Variants in WWOX observed in about 807,000 individuals in gnomAD.
WWOX encodes the protein WW domain containing oxidoreductase.
WWOX carries 69 observed loss-of-function variants against 46.2 expected under a neutral mutation model. The observed-to-expected ratio is 1.49, with a 90% CI of 1.23 to 1.82. The LOEUF (loss-of-function observed/expected upper bound fraction) is 1.82, where lower values mean the gene tolerates loss of function less well. Among genes scored for constraint, WWOX ranks in the 40% most tolerant of loss-of-function variants. The pLI is 0.00. For missense variants in WWOX, 919 were observed against 542.6 expected (o/e 1.69, Z -6.89); for synonymous variants, 359 against 202.6 (o/e 1.77, Z -6.56).
chr16:78,872,853 A>G (rs1475289711), intron 8 of WWOX: 1 of 152,236 alleles, frequency 6.6e-6, no homozygotes, highest in African/African-American at 2.4e-5. Flanking sequence ...GCTGGAGTGT[A>G]GTGGTGTGAT....
chr16:79,147,937 T>C (rs1347426511), intron 8 of WWOX, among the ~76,000 whole-genome samples: 1 of 152,232 alleles, frequency 6.6e-6, no homozygotes, highest in African/African-American at 2.4e-5. Flanking sequence ...TGTATTATTG[T>C]TGCATTTTGA....
intron 8 of WWOX, among the ~76,000 whole-genome samples, chr16:78,949,950 C>T (rs1396344094): frequency 6.6e-6 from 1 of 152,166 alleles, no homozygotes; most frequent in Non-Finnish European, 1.5e-5. Flanking sequence ...ATGTGAAGCA[C>T]TTTTCATGCA....
chr16:78,257,105 TGGCGTGGGGTCTTCATCTGGCTACTA>T (rs1304142105), intron 5 of WWOX, among the ~76,000 whole-genome samples: 3 of 152,022 alleles, frequency 2.0e-5, no homozygotes, highest in African/African-American at 7.2e-5. Context: ...TACAGGCTCG[TGGCGTGGGGTCTTCATCTGGCTACTA>T]GATTGTTTAA....
intron 5 of WWOX, among the ~76,000 whole-genome samples, chr16:78,379,555 C>G (rs1287367471): frequency 6.6e-6 from 1 of 152,162 alleles, no homozygotes; most frequent in Non-Finnish European, 1.5e-5. Context: ...CTAGATTTGC[C>G]AAAAGTCTGT....
chr16:78,366,431 C>T (rs777070292), intron 5 of WWOX, among the ~76,000 whole-genome samples: 19 of 152,144 alleles, frequency 1.2e-4, no homozygotes, highest in Non-Finnish European at 4.4e-5. Context: ...ACAACAGACA[C>T]TCTAAGGAAT....
At chr16:78,253,732 G>C (rs115919801) in intron 5 of WWOX, among the ~76,000 whole-genome samples, 1 of 152,174 alleles carries the variant, frequency 6.6e-6, no homozygotes, top group East Asian at 1.9e-4. Flanking sequence ...TAGTTTTAAA[G>C]AGTCTTAGAG....
chr16:78,251,954 T>A (rs2037996516), intron 5 of WWOX, among the ~76,000 whole-genome samples: 1 of 152,198 alleles, frequency 6.6e-6, no homozygotes, highest in African/African-American at 2.4e-5. Context: ...GTTGGAGTAT[T>A]TGATTATTTT....
At chr16:78,903,511 C>G (rs984467891) in intron 8 of WWOX, among the ~76,000 whole-genome samples, 1 of 152,226 alleles carries the variant, frequency 6.6e-6, no homozygotes, top group African/African-American at 2.4e-5. Flanking sequence ...GAGGTACTTT[C>G]AATTTCCCAT....
Position 78,497,842 on chromosome 16 carries a change from G to C in WWOX, c.1056+65090G>C, listed in dbSNP as rs183106084. ...ATCAATAAATGGTAGATTATACACC[G>C]GAGTTACTGAGAATTATAAAAAAAT... On this transcript the variant is annotated intron_variant, in intron 8 of 8. Coordinates refer to ENST00000566780, the MANE Select transcript of WWOX (RefSeq NM_016373.4). Among the ~76,000 whole-genome samples the C allele has an allele frequency of 2.4e-4, 31 of 131,602 alleles. No homozygotes were observed. In the East Asian group the frequency reaches 6.9e-3, roughly 29 times the overall value. 86.3% of individuals were successfully genotyped at this position (131,602 alleles called of 152,430 possible).
At chr16:78,377,064 C>G (rs142195328) in intron 5 of WWOX, among the ~76,000 whole-genome samples, 1 of 152,230 alleles carries the variant, frequency 6.6e-6, no homozygotes, top group East Asian at 1.9e-4. Context: ...ACTGATTTTT[C>G]TTTTATCACT....
chr16:78,603,008 A>G (rs1208014367), intron 8 of WWOX, among the ~76,000 whole-genome samples: 1 of 152,126 alleles, frequency 6.6e-6, no homozygotes, highest in Non-Finnish European at 1.5e-5. Context: ...GTAATACTCC[A>G]CCTTGCCAGT....
chr16:78,101,346 C>CTTTTTTTTTTTTTTTTTTTTTTT lies in WWOX; in HGVS notation c.107+1478_107+1479insTTTTTTTTTTTTTTTTTTTTTTT, dbSNP rs71137871. ...ACAGGCGTGAGCTACCGCTCCCGGC[C>CTTTTTTTTTTTTTTTTTTTTTTT]TTTTTTTTTTTTTTTTTAAAGACAG... On this transcript the variant is annotated intron_variant, in intron 1 of 8. Transcript: ENST00000566780. 1.8e-3 allele frequency among the ~76,000 whole-genome samples: 118 copies of CTTTTTTTTTTTTTTTTTTTTTTT among 66,824 alleles called. 33 individuals are homozygous for CTTTTTTTTTTTTTTTTTTTTTTT. Among genetic ancestry groups the CTTTTTTTTTTTTTTTTTTTTTTT allele is most frequent in the South Asian group, 4.0e-3 (5 of 1,240 alleles). The allele number at this position is 66,824 out of a possible 152,430, so 43.8% of individuals were successfully genotyped here. A position where few individuals can be genotyped will look rare whatever the true frequency, so the allele number is the denominator to read the frequency against.
chr16:78,959,064 C>G (rs904773143), intron 8 of WWOX, among the ~76,000 whole-genome samples: 3 of 152,134 alleles, frequency 2.0e-5, no homozygotes, highest in African/African-American at 7.2e-5. Flanking sequence ...TTTAAAAATG[C>G]TTGTCTACCC....
intron 8 of WWOX, among the ~76,000 whole-genome samples, chr16:78,443,955 G>A (rs2083501973): frequency 6.6e-6 from 1 of 152,150 alleles, no homozygotes; most frequent in Non-Finnish European, 1.5e-5. Flanking sequence ...ATTGCCCCAT[G>A]ACGATGTTTC....
At chr16:78,403,441 T>C (rs566033001) in intron 6 of WWOX, among the ~76,000 whole-genome samples, 31 of 152,384 alleles carry the variant, frequency 2.0e-4, no homozygotes, top group African/African-American at 6.3e-4. Context: ...AGTTCATAAA[T>C]AATGGCTTGT....
At chr16:78,986,153 C>G (rs2046780586) in intron 8 of WWOX, among the ~76,000 whole-genome samples, 1 of 152,226 alleles carries the variant, frequency 6.6e-6, no homozygotes, top group East Asian at 1.9e-4. Flanking sequence ...CTGGTTCTGT[C>G]AGCATTTCCC....
At chr16:78,801,090 G>A (rs1244785405) in intron 8 of WWOX, among the ~76,000 whole-genome samples, 2 of 149,440 alleles carry the variant, frequency 1.3e-5, no homozygotes, top group East Asian at 3.9e-4. Context: ...GTCTCACTCT[G>A]TTGCCCAGGC....
At chr16:79,042,467 A>G (rs762053073) in intron 8 of WWOX, among the ~76,000 whole-genome samples, 5 of 152,194 alleles carry the variant, frequency 3.3e-5, no homozygotes, top group Non-Finnish European at 5.9e-5. Context: ...TCCTCTGCCC[A>G]GTGTAAATTG....
chr16:78,150,785 C>T (rs8053075), intron 4 of WWOX, among the ~76,000 whole-genome samples: 96,340 of 152,146 alleles, frequency 0.63, 30,596 homozygotes, highest in East Asian at 0.75. Flanking sequence ...TCCCCCAAGG[C>T]GGGGAATGTG....
Sources: gnomAD v4.1 joint callset for allele counts (sites outside exome capture counted in the v4.1 genomes callset) on GRCh38, gnomAD v4.1.1 for gene constraint, MANE v1.5 for transcripts, NCBI Gene and HGNC (gene_info 2026-07-23, HGNC 2026-07-21) for gene names.